Variants in DMC1 observed in about 807,000 individuals in gnomAD.
DMC1 encodes the protein DNA meiotic recombinase 1, also known as meiotic recombination protein DMC1 homolog.
In DMC1, 27 loss-of-function variants were observed where a neutral mutation model predicts 50.1. That is an observed-to-expected ratio of 0.54 (90% confidence interval 0.40 to 0.74). The LOEUF (loss-of-function observed/expected upper bound fraction) is 0.74, where lower values mean the gene tolerates loss of function less well. Ranked by LOEUF, DMC1 falls within the 30% of genes least tolerant of loss-of-function variation. The pLI is 0.00. For synonymous variants in DMC1, 148 were observed against 136.1 expected (o/e 1.09, Z -0.61); for missense variants, 295 against 420.2 (o/e 0.70, Z 2.60).
Position 38,538,398 on chromosome 22 carries a change from T to C in DMC1, c.672A>G (p.Ser224=), listed in dbSNP as rs1229884656. Residue 224 remains serine (S), a synonymous_variant, in exon 11 of 14, where the codon TCA becomes TCG. Transcript: ENST00000216024. ...AGIFKLLIID[S]IMALFRVDFS... is the part of the protein sequence containing the mutation. ...AATCCACTCGAAAAAGTGCCATTATTGAATCGATAATCTACACAGGATTAA... is the reference window on the plus strand; with the variant it reads ...AATCCACTCGAAAAAGTGCCATTATCGAATCGATAATCTACACAGGATTAA... 1.9e-6 allele frequency: 3 copies of C among 1,613,142 alleles called. No homozygotes were observed. The highest frequency in any genetic ancestry group is 2.5e-6 in the Non-Finnish European group (3 of 1,179,668).
chr22:38,555,221 T>C (rs1270863632), intron 6 of DMC1, 136 bp downstream of exon 6: 5 of 624,910 alleles, frequency 8.0e-6, no homozygotes, highest in African/African-American at 5.6e-5. Context: ...GTTATGATAA[T>C]TGAGATTTTG....
chr22:38,537,709 G>T, intron 11 of DMC1, 57 bp from the exon 12 acceptor site: 1 of 1,349,516 alleles, frequency 7.4e-7, no homozygotes, highest in Non-Finnish European at 1.1e-6. Context: ...ATATTTAAAA[G>T]TTCATTGTTT....
chr22:38,511,048 C>T, the DMC1 span, among the ~76,000 whole-genome samples: 1 of 152,088 alleles, frequency 6.6e-6, no homozygotes, highest in Non-Finnish European at 1.5e-5. Flanking sequence ...GCGGGAGGGT[C>T]GCTTGAGCCC....
Position 38,520,029 on chromosome 22 carries a change from G to A in DMC1, c.1014C>T (p.Ala338=), listed in dbSNP as rs1447399030. The change falls in exon 14 of 14, where the codon GCC becomes GCT. Residue 338 remains alanine (A), a synonymous_variant. Coordinates refer to ENST00000216024, the MANE Select transcript of DMC1 (RefSeq NM_007068.4). The part of the protein sequence containing the change: ...FAITAGGIGD[A]KE ...TGCATCAATTCACCACCTACTCCTT[G>A]GCATCCCCAATTCCTCCAGCAGTTA... The A allele has an allele frequency of 6.2e-7, 1 of 1,613,492 alleles. No individual in the cohort carries two copies.
intron 8 of DMC1, among the ~76,000 whole-genome samples, chr22:38,544,374 G>T (rs942208203): frequency 6.6e-6 from 1 of 152,142 alleles, no homozygotes; most frequent in Admixed American, 6.5e-5. Context: ...AAACTCAAAA[G>T]AATGCAACCA....
At chr22:38,559,515 G>A (rs1004763217) in intron 5 of DMC1, among the ~76,000 whole-genome samples, 2 of 152,138 alleles carry the variant, frequency 1.3e-5, no homozygotes, top group African/African-American at 4.8e-5. Context: ...GCTAGTGTGC[G>A]CTGTGACTCT....
chr22:38,568,405 A>G (rs1037512048), intron 1 of DMC1, 116 bp from the exon 2 acceptor site: 3 of 750,170 alleles, frequency 4.0e-6, no homozygotes, highest in African/African-American at 3.5e-5. Flanking sequence ...GCTTGGAAAG[A>G]TGAGGCCAGC....
At chr22:38,551,337 C>CT (rs558366142) in intron 7 of DMC1, among the ~76,000 whole-genome samples, 2 of 151,262 alleles carry the variant, frequency 1.3e-5, no homozygotes, top group Non-Finnish European at 1.5e-5. Context: ...AATGCATTTA[C>CT]TTTTTTTTTC....
chr22:38,518,899 A>G (rs2089994989), downstream of DMC1: 1 of 152,356 alleles, frequency 6.6e-6, no homozygotes, highest in Admixed American at 6.6e-5. Context: ...AAAGCTCTTC[A>G]TTGTATATTG....
At chr22:38,537,506 C>T in intron 12 of DMC1, 86 bp downstream of exon 12, 1 of 1,315,732 alleles carries the variant, frequency 7.6e-7, no homozygotes, top group Non-Finnish European at 1.1e-6. Context: ...GCCACCGTGC[C>T]CGGCCTTGAA....
downstream of DMC1, among the ~76,000 whole-genome samples, chr22:38,516,865 G>A (rs1210163356): frequency 6.6e-6 from 1 of 151,952 alleles, no homozygotes; most frequent in Non-Finnish European, 1.5e-5. Flanking sequence ...TCTCACTGTC[G>A]CCCAGGCTGG....
chr22:38,553,106 C>T (rs1232460623), intron 6 of DMC1, among the ~76,000 whole-genome samples: 1 of 151,702 alleles, frequency 6.6e-6, no homozygotes, highest in Non-Finnish European at 1.5e-5. Context: ...CCTCAGCCTC[C>T]CAAAGTGCTG....
At chr22:38,510,644 G>A in the DMC1 span, among the ~76,000 whole-genome samples, 5 of 152,220 alleles carry the variant, frequency 3.3e-5, no homozygotes, top group African/African-American at 1.2e-4. Context: ...CTTCCTCCCC[G>A]CAAAATCCCT....
chr22:38,552,943 G>T (rs143336785), intron 6 of DMC1, among the ~76,000 whole-genome samples: 1,611 of 151,680 alleles, frequency 0.011, 35 homozygotes, highest in African/African-American at 0.038. Context: ...CACCTCCCGG[G>T]TTCAAGCGAT....
the DMC1 span, among the ~76,000 whole-genome samples, chr22:38,509,619 A>T: frequency 6.6e-6 from 1 of 152,122 alleles, no homozygotes; most frequent in African/African-American, 2.4e-5. Context: ...TTGGAGGCCC[A>T]CAAGGAATTT....
chr22:38,553,956 C>CAAAA (rs35690372), intron 6 of DMC1, among the ~76,000 whole-genome samples: 1 of 34,748 alleles, frequency 2.9e-5, no homozygotes, highest in Non-Finnish European at 5.6e-5. Context: ...ACTCCATCTC[C>CAAAA]AAAAAAAAAA....
intron 5 of DMC1, 127 bp from the exon 6 acceptor site, chr22:38,555,536 C>A: frequency 1.5e-6 from 1 of 651,758 alleles, no homozygotes. Context: ...ATCTACCTAT[C>A]TATCTACAGA....
chr22:38,553,421 TCGGGAGG>T (rs907679095), intron 6 of DMC1, among the ~76,000 whole-genome samples: 14 of 143,202 alleles, frequency 9.8e-5, no homozygotes, highest in South Asian at 6.6e-4. Flanking sequence ...TGGTGTGAAC[TCGGGAGG>T]CGGAGCTTGC....
chr22:38,512,890 C>G, the DMC1 span, among the ~76,000 whole-genome samples: 1 of 152,160 alleles, frequency 6.6e-6, no homozygotes, highest in Non-Finnish European at 1.5e-5. Context: ...TCAAGACCAG[C>G]CTAGCCAACA....
Sources: gnomAD v4.1 joint callset for allele counts (sites outside exome capture counted in the v4.1 genomes callset) on GRCh38, gnomAD v4.1.1 for gene constraint, MANE v1.5 for transcripts, NCBI Gene and HGNC (gene_info 2026-07-23, HGNC 2026-07-21) for gene names.